The following TMEM132D variants were observed in gnomAD, a reference collection of about 807,000 sequenced individuals.
TMEM132D encodes the protein mature OL transmembrane protein.
TMEM132D carries 21 observed loss-of-function variants against 62.3 expected under a neutral mutation model. The ratio of observed to expected loss-of-function variants is 0.34; its 90% CI spans 0.24 to 0.49. TMEM132D has a LOEUF of 0.49. Among genes scored for constraint, TMEM132D ranks in the 20% least tolerant of loss-of-function variants. The pLI, the probability that TMEM132D is intolerant of heterozygous loss-of-function variation, is 0.99. For synonymous variants in TMEM132D, 621 were observed against 575.6 expected (o/e 1.08, Z -1.13); for missense variants, 1,346 against 1,402.8 (o/e 0.96, Z 0.65).
intron 8 of TMEM132D, among the ~76,000 whole-genome samples, chr12:129,075,502 TGA>T (rs1005541950): frequency 2.4e-4 from 36 of 152,238 alleles, no homozygotes; most frequent in Non-Finnish European, 5.9e-5. Flanking sequence ...GTTGTAATAC[TGA>T]GTCTCCACTG....
intron 4 of TMEM132D, among the ~76,000 whole-genome samples, chr12:129,306,948 C>A (rs1190106149): frequency 2.0e-5 from 3 of 152,028 alleles, no homozygotes; most frequent in Non-Finnish European, 2.9e-5. Context: ...CGCTAGTGAG[C>A]GACGGGTAGG....
At chr12:129,866,414 T>C (rs535092041) in intron 1 of TMEM132D, among the ~76,000 whole-genome samples, 1 of 105,818 alleles carries the variant, frequency 9.5e-6, no homozygotes, top group African/African-American at 3.8e-5. Flanking sequence ...GGACACAAGG[T>C]GGGGAACATC....
At chr12:129,524,726 T>G (rs979067445) in intron 3 of TMEM132D, among the ~76,000 whole-genome samples, 8 of 151,552 alleles carry the variant, frequency 5.3e-5, no homozygotes, top group Non-Finnish European at 1.2e-4. Context: ...ATCTCTAAAG[T>G]GGAAGAACCA....
intron 1 of TMEM132D, among the ~76,000 whole-genome samples, chr12:129,763,426 T>A (rs1870447820): frequency 1.1e-5 from 1 of 88,120 alleles, no homozygotes; most frequent in Non-Finnish European, 2.1e-5. Flanking sequence ...GGATCTAGAT[T>A]TCTGGCTTTT....
chr12:129,273,793 G>A (rs1191114797), intron 4 of TMEM132D, among the ~76,000 whole-genome samples: 4 of 151,634 alleles, frequency 2.6e-5, no homozygotes, highest in Admixed American at 6.6e-5. Context: ...GGAAAAAACT[G>A]TCTATTGGGT....
chr12:129,579,705 A>G (rs937420627), intron 2 of TMEM132D, among the ~76,000 whole-genome samples: 8 of 152,208 alleles, frequency 5.3e-5, no homozygotes, highest in Non-Finnish European at 1.2e-4. Flanking sequence ...CCATGCTGGC[A>G]GTCAAATGGA....
intron 3 of TMEM132D, among the ~76,000 whole-genome samples, chr12:129,489,811 T>C (rs4076598): frequency 0.078 from 11,843 of 152,298 alleles, 647 homozygotes; most frequent in Non-Finnish European, 0.11. Context: ...ACATTAATAT[T>C]TTGGTACAGA....
intron 2 of TMEM132D, among the ~76,000 whole-genome samples, chr12:129,567,234 T>C (rs1260672313): frequency 6.6e-6 from 1 of 152,224 alleles, no homozygotes; most frequent in Admixed American, 6.5e-5. Context: ...TTTGATATTG[T>C]AAAATGAAAT....
rs572951528 is a variant in TMEM132D, at chr12:129,755,766, G to GA, written c.80-55069dup. On this transcript the variant is annotated intron_variant, in intron 1 of 8. Transcript: ENST00000422113. ...TTTCAGAGAAGGTAAAGCAGATGAGGAAATCTCTCTCCACCTCCACCCATT... is the reference window on the plus strand; with the variant it reads ...TTTCAGAGAAGGTAAAGCAGATGAGGAAAATCTCTCTCCACCTCCACCCATT... Among the ~76,000 whole-genome samples the GA allele has an allele frequency of 3.9e-4, 59 of 152,294 alleles. 2 individuals carry two copies. The South Asian group carries it at 0.012, about 30-fold the overall frequency.
intron 1 of TMEM132D, among the ~76,000 whole-genome samples, chr12:129,832,346 T>C (rs1191478429): frequency 6.6e-6 from 1 of 151,540 alleles, no homozygotes; most frequent in Admixed American, 6.6e-5. Flanking sequence ...ACAAATTATA[T>C]ATATACATAA....
At chr12:129,281,840 T>C (rs1294373656) in intron 4 of TMEM132D, among the ~76,000 whole-genome samples, 1 of 149,492 alleles carries the variant, frequency 6.7e-6, no homozygotes, top group Non-Finnish European at 1.5e-5. Flanking sequence ...CCCTCAAACC[T>C]CCTCAAACTA....
chr12:129,680,901 G>A (rs1880760418), intron 2 of TMEM132D, among the ~76,000 whole-genome samples: 1 of 152,206 alleles, frequency 6.6e-6, no homozygotes, highest in Admixed American at 6.5e-5. Context: ...GGTGGGAGCT[G>A]GACCCACAGG....
chr12:129,147,403 G>C (rs1405453799), intron 5 of TMEM132D, among the ~76,000 whole-genome samples: 1 of 151,570 alleles, frequency 6.6e-6, no homozygotes, highest in African/African-American at 2.4e-5. Context: ...GGATACGTGA[G>C]CATAAAAATC....
At chr12:129,408,514 T>C (rs1474962347) in intron 3 of TMEM132D, among the ~76,000 whole-genome samples, 1 of 151,816 alleles carries the variant, frequency 6.6e-6, no homozygotes, top group African/African-American at 2.4e-5. Context: ...TTTAGCAAAG[T>C]TGGGGAGTGC....
At chr12:129,125,740 C>T (rs973062526) in intron 5 of TMEM132D, among the ~76,000 whole-genome samples, 5 of 151,752 alleles carry the variant, frequency 3.3e-5, no homozygotes, top group Non-Finnish European at 7.4e-5. Context: ...TGGACTCAAG[C>T]GATCCGCTCG....
At chr12:129,745,768 C>T (rs1869756651) in intron 1 of TMEM132D, among the ~76,000 whole-genome samples, 1 of 152,252 alleles carries the variant, frequency 6.6e-6, no homozygotes, top group Admixed American at 6.5e-5. Context: ...ATGATATTTG[C>T]TAAATACACA....
chr12:129,347,887 G>A (rs1175852370), intron 3 of TMEM132D, among the ~76,000 whole-genome samples: 4 of 152,036 alleles, frequency 2.6e-5, no homozygotes, highest in African/African-American at 7.2e-5. Context: ...CCATCAAAAC[G>A]TGGGCAAAGG....
chr12:129,462,259 G>A (rs770180788), intron 3 of TMEM132D, among the ~76,000 whole-genome samples: 3 of 152,056 alleles, frequency 2.0e-5, no homozygotes, highest in South Asian at 2.1e-4. Context: ...GAATAAAGAC[G>A]CACTTAGGAA....
intron 3 of TMEM132D, among the ~76,000 whole-genome samples, chr12:129,446,269 G>A (rs1873096264): frequency 6.6e-6 from 1 of 152,110 alleles, no homozygotes; most frequent in Admixed American, 6.5e-5. Context: ...GAGAGGATGT[G>A]GTGTGACTTG....
Sources: allele counts gnomAD v4.1 joint callset (sites outside exome capture counted in the v4.1 genomes callset), GRCh38; gene constraint gnomAD v4.1.1; transcripts MANE v1.5; gene names NCBI Gene and HGNC (gene_info 2026-07-23, HGNC 2026-07-21).